The following HEMK2 variants were observed in gnomAD, a reference collection of about 807,000 sequenced individuals.
The protein encoded by HEMK2 is methyltransferase HEMK2.
At chr21:28,640,117 T>C in the HEMK2 span, among the ~76,000 whole-genome samples, 59 of 152,300 alleles carry the variant, frequency 3.9e-4, no homozygotes, top group African/African-American at 1.3e-3. Context: ...AATTTTTAAA[T>C]GAATCTACAG....
chr21:28,769,921 T>C, the HEMK2 span, among the ~76,000 whole-genome samples: 1 of 152,150 alleles, frequency 6.6e-6, no homozygotes, highest in Admixed American at 6.5e-5. Context: ...ACATTTTGAC[T>C]AGACATTTCC....
the HEMK2 span, among the ~76,000 whole-genome samples, chr21:28,749,411 G>A: frequency 6.6e-6 from 1 of 152,172 alleles, no homozygotes; most frequent in Non-Finnish European, 1.5e-5. Flanking sequence ...GGAGGAGATT[G>A]AGGTAGAGAA....
At chr21:28,699,411 G>A in the HEMK2 span, among the ~76,000 whole-genome samples, 1 of 152,162 alleles carries the variant, frequency 6.6e-6, no homozygotes, top group Admixed American at 6.5e-5. Flanking sequence ...CATTGAAATT[G>A]TCCAAAGATT....
chr21:28,739,510 G>A, the HEMK2 span, among the ~76,000 whole-genome samples: 1 of 152,118 alleles, frequency 6.6e-6, no homozygotes, highest in African/African-American at 2.4e-5. Context: ...TGCCATCTTC[G>A]TGGCATTTTT....
chr21:28,700,702 A>G, the HEMK2 span, among the ~76,000 whole-genome samples: 3 of 152,162 alleles, frequency 2.0e-5, no homozygotes, highest in African/African-American at 7.2e-5. Context: ...TTCACAGCCA[A>G]ATTCTACCAG....
At chr21:28,883,797 G>A in the HEMK2 span, among the ~76,000 whole-genome samples, 1 of 152,076 alleles carries the variant, frequency 6.6e-6, no homozygotes, top group Admixed American at 6.5e-5. Flanking sequence ...ACAGCTCACT[G>A]CTGCCTTTAA....
chr21:28,841,246 A>AT, the HEMK2 span, among the ~76,000 whole-genome samples: 2 of 6,168 alleles, frequency 3.2e-4, no homozygotes, highest in Non-Finnish European at 4.5e-4. Context: ...ATTTATATAT[A>AT]TAATATATTA....
the HEMK2 span, among the ~76,000 whole-genome samples, chr21:28,868,767 T>C: frequency 6.6e-6 from 1 of 152,244 alleles, no homozygotes; most frequent in South Asian, 2.1e-4. Flanking sequence ...TTTATCATTT[T>C]TAGTCGTATT....
At chr21:28,825,335 C>A in the HEMK2 span, among the ~76,000 whole-genome samples, 4 of 152,190 alleles carry the variant, frequency 2.6e-5, no homozygotes, top group Non-Finnish European at 5.9e-5. Context: ...AATGCTGATG[C>A]TGTTGGTCCC....
chr21:28,687,030 A>G, the HEMK2 span, among the ~76,000 whole-genome samples: 1 of 152,224 alleles, frequency 6.6e-6, no homozygotes, highest in African/African-American at 2.4e-5. Context: ...TTCATAGAGT[A>G]TCAGAGGTTG....
chr21:28,768,892 C>T, the HEMK2 span, among the ~76,000 whole-genome samples: 8 of 151,834 alleles, frequency 5.3e-5, no homozygotes, highest in African/African-American at 1.7e-4. Flanking sequence ...AGAAGAAACA[C>T]CAGGGGTGAG....
chr21:28,848,664 G>A, the HEMK2 span, among the ~76,000 whole-genome samples: 1 of 150,980 alleles, frequency 6.6e-6, no homozygotes, highest in Non-Finnish European at 1.5e-5. Flanking sequence ...AACTCCTTTA[G>A]GCATCTATTG....
chr21:28,636,157 G>A, the HEMK2 span, among the ~76,000 whole-genome samples: 2 of 151,984 alleles, frequency 1.3e-5, no homozygotes, highest in Non-Finnish European at 2.9e-5. Flanking sequence ...TTGGTACATT[G>A]AGTATCTTCA....
the HEMK2 span, among the ~76,000 whole-genome samples, chr21:28,752,949 T>C: frequency 3.4e-4 from 51 of 152,174 alleles, no homozygotes; most frequent in Admixed American, 3.3e-3. Flanking sequence ...CCTTCTCCAT[T>C]CGTGCTTGGC....
chr21:28,820,776 G>T, the HEMK2 span, among the ~76,000 whole-genome samples: 4 of 152,090 alleles, frequency 2.6e-5, no homozygotes, highest in African/African-American at 9.7e-5. Flanking sequence ...TATATTTCTG[G>T]CTCTTATTTT....
chr21:28,834,416 A>G, the HEMK2 span, among the ~76,000 whole-genome samples: 3 of 152,320 alleles, frequency 2.0e-5, no homozygotes, highest in Middle Eastern at 3.4e-3. Flanking sequence ...TGTTTGCAGG[A>G]GAATTTTCTT....
At chr21:28,679,813 C>T in the HEMK2 span, among the ~76,000 whole-genome samples, 1 of 151,956 alleles carries the variant, frequency 6.6e-6, no homozygotes, top group Non-Finnish European at 1.5e-5. Context: ...GGGTACATAA[C>T]GAAATGAAGG....
chr21:28,636,196 C>G, the HEMK2 span, among the ~76,000 whole-genome samples: 1 of 151,946 alleles, frequency 6.6e-6, no homozygotes, highest in African/African-American at 2.4e-5. Context: ...TTCAAAATAC[C>G]CCACTAATAA....
At chr21:28,758,753 C>T in the HEMK2 span, among the ~76,000 whole-genome samples, 31 of 152,290 alleles carry the variant, frequency 2.0e-4, no homozygotes, top group South Asian at 2.5e-3. Flanking sequence ...TCAAACCTCC[C>T]CATGACAGGT....
Sources: gnomAD v4.1 joint callset for allele counts (sites outside exome capture counted in the v4.1 genomes callset) on GRCh38, gnomAD v4.1.1 for gene constraint, MANE v1.5 for transcripts, NCBI Gene and HGNC (gene_info 2026-07-23, HGNC 2026-07-21) for gene names.